KCTD16: variants seen among roughly 807,000 people sequenced by gnomAD.
KCTD16 encodes the protein BTB/POZ domain-containing protein KCTD16.
KCTD16 carries 13 observed loss-of-function variants against 33.2 expected under a neutral mutation model. The observed-to-expected ratio is 0.39, with a 90% CI of 0.25 to 0.62. The LOEUF (loss-of-function observed/expected upper bound fraction) is 0.62. KCTD16 is among the 20% of genes least tolerant of loss of function. The pLI is 0.50. For synonymous variants in KCTD16, 197 were observed against 195.3 expected (o/e 1.01, Z -0.07); for missense variants, 441 against 525.1 (o/e 0.84, Z 1.57).
At chr5:144,420,574 A>C (rs1026522693) in intron 3 of KCTD16, among the ~76,000 whole-genome samples, 31 of 152,024 alleles carry the variant, frequency 2.0e-4, no homozygotes, top group Non-Finnish European at 4.3e-4. Context: ...CATGGTTATA[A>C]TAGAACAACT....
chr5:144,292,012 A>T (rs1468935221), intron 3 of KCTD16, among the ~76,000 whole-genome samples: 3 of 152,334 alleles, frequency 2.0e-5, no homozygotes, highest in Non-Finnish European at 2.9e-5. Context: ...ATATTTCTAT[A>T]CAGATTTTTA....
In KCTD16 at chr5:144,334,177, C is replaced by A. The variant is rs149418887; in HGVS notation, c.832+126631C>A. On this transcript the variant is annotated intron_variant, in intron 3 of 3. Transcript: ENST00000512467. ...TTATGAAGGGTTCATCAACATGGGA[C>A]TGAATTTATAAATCTCCACTCAGAG... Among the ~76,000 whole-genome samples, 28 of 152,268 alleles carry A rather than the reference C, an allele frequency of 1.8e-4. No homozygotes were observed. In the East Asian group the frequency reaches 4.4e-3, roughly 24 times the overall value.
At chr5:144,251,698 A>G (rs1754705103) in intron 3 of KCTD16, among the ~76,000 whole-genome samples, 1 of 152,166 alleles carries the variant, frequency 6.6e-6, no homozygotes, top group South Asian at 2.1e-4. Context: ...TAACCGTAAG[A>G]ATTTCTATGC....
At chr5:144,255,772 A>G (rs1754829020) in intron 3 of KCTD16, among the ~76,000 whole-genome samples, 1 of 152,232 alleles carries the variant, frequency 6.6e-6, no homozygotes, top group African/African-American at 2.4e-5. Context: ...TGCTCCAGAC[A>G]ATCCAAGGTC....
intron 3 of KCTD16, among the ~76,000 whole-genome samples, chr5:144,451,955 T>G (rs1753952086): frequency 6.6e-6 from 1 of 152,022 alleles, no homozygotes; most frequent in Middle Eastern, 3.4e-3. Context: ...AGAAATTACA[T>G]TTAGGAGTGA....
At chr5:144,291,654 C>T (rs1430317666) in intron 3 of KCTD16, among the ~76,000 whole-genome samples, 1 of 152,180 alleles carries the variant, frequency 6.6e-6, no homozygotes, top group African/African-American at 2.4e-5. Flanking sequence ...GTTTTGTCTA[C>T]TTGAATGGCT....
At chr5:144,262,602 T>A (rs887860993) in intron 3 of KCTD16, among the ~76,000 whole-genome samples, 1 of 152,206 alleles carries the variant, frequency 6.6e-6, no homozygotes, top group Non-Finnish European at 1.5e-5. Context: ...TATGTGCTCT[T>A]CTCATTTTAA....
At chr5:144,435,241 T>C (rs1324924930) in intron 3 of KCTD16, among the ~76,000 whole-genome samples, 2 of 152,234 alleles carry the variant, frequency 1.3e-5, no homozygotes, top group Admixed American at 1.3e-4. Context: ...TTTACCTGTC[T>C]GTAAATTGCT....
chr5:144,343,339 C>A (rs1486790180), intron 3 of KCTD16, among the ~76,000 whole-genome samples: 18 of 151,894 alleles, frequency 1.2e-4, no homozygotes, highest in Non-Finnish European at 2.5e-4. Flanking sequence ...TTATCCATTT[C>A]TTCTAGATTT....
intron 2 of KCTD16, among the ~76,000 whole-genome samples, chr5:144,175,987 A>G (rs1752498118): frequency 6.6e-6 from 1 of 152,196 alleles, no homozygotes; most frequent in Non-Finnish European, 1.5e-5. Context: ...GTATTATATT[A>G]TAATTTGCTT....
intron 3 of KCTD16, among the ~76,000 whole-genome samples, chr5:144,251,264 TA>T (rs1754693502): frequency 6.6e-6 from 1 of 152,146 alleles, no homozygotes. Flanking sequence ...GTGTGTTGTT[TA>T]AAAGGGAGTT....
At chr5:144,333,475 C>T (rs1157990402) in intron 3 of KCTD16, among the ~76,000 whole-genome samples, 1 of 152,046 alleles carries the variant, frequency 6.6e-6, no homozygotes, top group Non-Finnish European at 1.5e-5. Flanking sequence ...TTTATGTAGC[C>T]TGAGAGTGTG....
rs187512277 is a variant in KCTD16, at chr5:144,462,754, C to T, written c.833-10906C>T. Among the ~76,000 whole-genome samples the T allele has an allele frequency of 2.4e-3, 363 of 152,130 alleles. 1 individual carries two copies. The highest frequency in any genetic ancestry group is 7.1e-3 in the Admixed American group (109 of 15,256). On this transcript the variant is annotated intron_variant, in intron 3 of 3. Transcript: ENST00000512467. ...TGACCATGCTATTTATGTTCCATGC[C>T]GTCTGGTCTTGAAGTTCTTAGTGCA...
In KCTD16 at chr5:144,222,465, C is replaced by T. The variant is rs535626976; in HGVS notation, c.832+14919C>T. Reference sequence around the variant, plus strand: ...TTGTAAGATTCCTATGTGCACAAAGCGGCATAATATCACTTAGAAGTAGAC... The same window carrying T: ...TTGTAAGATTCCTATGTGCACAAAGTGGCATAATATCACTTAGAAGTAGAC... On this transcript the variant is annotated intron_variant, in intron 3 of 3. Transcript: ENST00000512467. Among the ~76,000 whole-genome samples the T allele has an allele frequency of 1.3e-3, 191 of 152,148 alleles. 1 individual carries two copies. The highest frequency in any genetic ancestry group is 4.2e-3 in the African/African-American group (174 of 41,512).
At chr5:144,427,522 C>T (rs1015613836) in intron 3 of KCTD16, among the ~76,000 whole-genome samples, 1 of 152,000 alleles carries the variant, frequency 6.6e-6, no homozygotes, top group Non-Finnish European at 1.5e-5. Flanking sequence ...ATCTTGTGCC[C>T]TCTTGAATCT....
intron 2 of KCTD16, among the ~76,000 whole-genome samples, chr5:144,190,755 C>A (rs532037033): frequency 6.6e-6 from 1 of 152,302 alleles, no homozygotes; most frequent in Admixed American, 6.5e-5. Flanking sequence ...TTATTATCAT[C>A]TGACATTCTA....
chr5:144,267,347 C>T (rs1390135303), intron 3 of KCTD16, among the ~76,000 whole-genome samples: 2 of 152,100 alleles, frequency 1.3e-5, no homozygotes, highest in Non-Finnish European at 2.9e-5. Flanking sequence ...AGGGAGGTTA[C>T]TTTGAAGATT....
At chr5:144,335,413 C>T (rs1199457047) in intron 3 of KCTD16, among the ~76,000 whole-genome samples, 3 of 152,064 alleles carry the variant, frequency 2.0e-5, no homozygotes, top group Non-Finnish European at 4.4e-5. Flanking sequence ...GAGAACTATA[C>T]GTGTGATAAT....
intron 3 of KCTD16, among the ~76,000 whole-genome samples, chr5:144,234,021 T>A (rs985660344): frequency 1.8e-4 from 28 of 152,164 alleles, no homozygotes; most frequent in Admixed American, 3.3e-4. Flanking sequence ...GAAAAAAGAA[T>A]GAACCGCAGG....
Sources: gnomAD v4.1 joint callset for allele counts (sites outside exome capture counted in the v4.1 genomes callset) on GRCh38, gnomAD v4.1.1 for gene constraint, MANE v1.5 for transcripts, NCBI Gene and HGNC (gene_info 2026-07-23, HGNC 2026-07-21) for gene names.